SLC2A9: variants seen among roughly 807,000 people sequenced by gnomAD.
SLC2A9 encodes the protein solute carrier family 2, facilitated glucose transporter member 9.
In SLC2A9, 39 loss-of-function variants were observed where a neutral mutation model predicts 50.6. The observed-to-expected ratio is 0.77, with a 90% CI of 0.60 to 1.01. The LOEUF (loss-of-function observed/expected upper bound fraction) is 1.01, where lower values mean the gene tolerates loss of function less well. Ranked by LOEUF, SLC2A9 falls within the 50% of genes least tolerant of loss-of-function variation. SLC2A9 has a pLI of 0.00. For synonymous variants in SLC2A9, 324 were observed against 276.9 expected, an observed-to-expected ratio of 1.17 and a Z score of -1.69; for missense variants, 686 against 677.6, an observed-to-expected ratio of 1.01 and a Z score of -0.14.
chr4:9,964,100 G>C (rs569893595), intron 5 of SLC2A9, among the ~76,000 whole-genome samples: 125 of 152,308 alleles, frequency 8.2e-4, no homozygotes, highest in African/African-American at 3.0e-3. Context: ...TGAATATCGA[G>C]GGGGAGACAT....
At chr4:10,018,129 A>G (rs1578362608) in intron 2 of SLC2A9, among the ~76,000 whole-genome samples, 1 of 152,256 alleles carries the variant, frequency 6.6e-6, no homozygotes, top group South Asian at 2.1e-4. Context: ...ACTGCAAACC[A>G]GAGGCACAAT....
intron 5 of SLC2A9, among the ~76,000 whole-genome samples, chr4:9,966,427 G>A (rs1027965945): frequency 2.6e-4 from 40 of 152,118 alleles, no homozygotes; most frequent in Non-Finnish European, 2.2e-4. Flanking sequence ...GGGCCAAGGT[G>A]GGTGGATCAC....
chr4:9,927,785 G>T (rs552985988), intron 6 of SLC2A9, among the ~76,000 whole-genome samples: 1 of 152,164 alleles, frequency 6.6e-6, no homozygotes, highest in Non-Finnish European at 1.5e-5. Flanking sequence ...CGAACCTGGA[G>T]CCTTCACATG....
chr4:9,947,218 G>A (rs1040156226), intron 5 of SLC2A9, among the ~76,000 whole-genome samples: 1 of 152,188 alleles, frequency 6.6e-6, no homozygotes, highest in Non-Finnish European at 1.5e-5. Flanking sequence ...GGGTTCTGGA[G>A]TGTCCCAACC....
At chr4:9,925,300 C>A (rs555533814) in intron 6 of SLC2A9, among the ~76,000 whole-genome samples, 4 of 152,324 alleles carry the variant, frequency 2.6e-5, no homozygotes, top group Admixed American at 2.6e-4. Context: ...TCACTGTTAC[C>A]CTCTCATCCG....
chr4:10,007,954 T>G (rs1761087571), intron 2 of SLC2A9, among the ~76,000 whole-genome samples: 1 of 152,202 alleles, frequency 6.6e-6, no homozygotes, highest in Admixed American at 6.5e-5. Context: ...CAGCAGGTGC[T>G]CAATAAATTT....
chr4:9,965,794 C>A, intron 5 of SLC2A9, among the ~76,000 whole-genome samples: 1 of 152,070 alleles, frequency 6.6e-6, no homozygotes, highest in East Asian at 1.9e-4. Context: ...TGTATGCTAA[C>A]AAATTTGAAA....
chr4:9,819,848 C>A (rs191680336), intron 3 of SLC2A9, among the ~76,000 whole-genome samples: 1 of 152,168 alleles, frequency 6.6e-6, no homozygotes, highest in Non-Finnish European at 1.5e-5. Context: ...GCAGGAGAAT[C>A]GCTTGAACCC....
intron 8 of SLC2A9, among the ~76,000 whole-genome samples, chr4:9,893,584 G>A (rs968891709): frequency 1.3e-5 from 2 of 151,234 alleles, no homozygotes; most frequent in Non-Finnish European, 3.0e-5. Context: ...GAGGGAGGGA[G>A]GGAGTGAGGG....
intron 3 of SLC2A9, among the ~76,000 whole-genome samples, chr4:9,812,878 A>G (rs1255522521): frequency 1.3e-5 from 2 of 152,158 alleles, no homozygotes; most frequent in African/African-American, 4.8e-5. Context: ...GAGGAAATTT[A>G]CTCGACTTAA....
Position 9,782,685 on chromosome 4 carries a change from C to T in SLC2A9, n.386-2620G>A, listed in dbSNP as rs759221755. 5.6e-5 allele frequency: 90 copies of T among 1,614,008 alleles called. No individual in the cohort carries two copies. The highest frequency in any genetic ancestry group is 5.2e-4 in the Admixed American group (31 of 60,026). On this transcript the variant is annotated intron_variant and non_coding_transcript_variant, in intron 3 of 3. Coordinates refer to the SLC2A9 transcript ENST00000503803. ...GACGTGAATGCAGAGAACTGTGACTCCAGCCTGAATCGAACCTACGCCATC... is the reference window on the plus strand; with the variant it reads ...GACGTGAATGCAGAGAACTGTGACTTCAGCCTGAATCGAACCTACGCCATC...
intron 10 of SLC2A9, among the ~76,000 whole-genome samples, chr4:9,837,833 G>A (rs1217733740): frequency 6.6e-6 from 1 of 152,146 alleles, no homozygotes; most frequent in Non-Finnish European, 1.5e-5. Context: ...CTGTACACAG[G>A]TGTGTTCACT....
chr4:9,930,999 T>G (rs546553717), intron 6 of SLC2A9, among the ~76,000 whole-genome samples: 14 of 152,194 alleles, frequency 9.2e-5, no homozygotes, highest in South Asian at 6.2e-4. Context: ...ATGTCACCCA[T>G]GGGGTGGGAG....
intron 7 of SLC2A9, among the ~76,000 whole-genome samples, chr4:9,911,855 T>A (rs1470167579): frequency 6.6e-6 from 1 of 152,206 alleles, no homozygotes. Flanking sequence ...GAGATGTGAT[T>A]GCTTCTTGGT....
chr4:9,917,408 C>T (rs1408777209), intron 7 of SLC2A9, among the ~76,000 whole-genome samples: 1 of 132,388 alleles, frequency 7.6e-6, no homozygotes, highest in Non-Finnish European at 1.5e-5. Flanking sequence ...TCTTGGCTCA[C>T]TGTAGCCTCC....
intron 3 of SLC2A9, among the ~76,000 whole-genome samples, chr4:9,800,647 A>T (rs1424773659): frequency 6.6e-6 from 1 of 152,214 alleles, no homozygotes; most frequent in Non-Finnish European, 1.5e-5. Context: ...TTAAGTATCC[A>T]CGGATCAAAA....
chr4:9,804,550 ACATGCCAGG>A (rs1258909406), intron 3 of SLC2A9, among the ~76,000 whole-genome samples: 5 of 152,150 alleles, frequency 3.3e-5, no homozygotes, highest in African/African-American at 1.2e-4. Flanking sequence ...ACTCACCACC[ACATGCCAGG>A]CAAGTTACCT....
At chr4:9,935,108 C>T (rs1355514155) in intron 6 of SLC2A9, among the ~76,000 whole-genome samples, 2 of 152,200 alleles carry the variant, frequency 1.3e-5, no homozygotes, top group Non-Finnish European at 2.9e-5. Flanking sequence ...AACAGTGCTG[C>T]AATAAACATA....
intron 5 of SLC2A9, among the ~76,000 whole-genome samples, chr4:9,976,944 T>G (rs932643910): frequency 1.3e-5 from 2 of 152,350 alleles, no homozygotes; most frequent in East Asian, 1.9e-4. Context: ...TCTATCTGGC[T>G]GATGTGCCAG....
Sources: allele counts gnomAD v4.1 joint callset (sites outside exome capture counted in the v4.1 genomes callset), GRCh38; gene constraint gnomAD v4.1.1; transcripts MANE v1.5; gene names NCBI Gene and HGNC (gene_info 2026-07-23, HGNC 2026-07-21).